ACOX1: variants seen among roughly 807,000 people sequenced by gnomAD.
The protein encoded by ACOX1 is peroxisomal acyl-coenzyme A oxidase 1.
Under a neutral mutation model 75.5 loss-of-function variants are expected in ACOX1, and 41 were observed. The observed-to-expected ratio is 0.54, with a 90% CI of 0.42 to 0.70. The LOEUF (loss-of-function observed/expected upper bound fraction) is 0.70, where lower values mean the gene tolerates loss of function less well. ACOX1 is among the 30% of genes least tolerant of loss of function. The pLI, the probability that ACOX1 is intolerant of heterozygous loss-of-function variation, is 0.00. For missense variants in ACOX1, 630 were observed against 837.5 expected, an observed-to-expected ratio of 0.75 and a Z score of 3.06; for synonymous variants, 303 against 298.8, an observed-to-expected ratio of 1.01 and a Z score of -0.15.
Position 75,953,532 on chromosome 17 carries a change from T to A in ACOX1, c.863A>T (p.Glu288Val). 1 of 1,614,148 alleles carries A rather than the reference T, an allele frequency of 6.2e-7. No homozygotes were observed. The highest frequency in any genetic ancestry group is 8.5e-7 in the Non-Finnish European group (1 of 1,180,008). The change falls in exon 7 of 14, where the codon GAA (glutamate) becomes GTA (valine). Residue 288 changes from glutamate to valine, a missense_variant. Physicochemically the swap from Glu to Val is moderately radical, Grantham distance 121 (BLOSUM62 -2). Transcript: ENST00000293217. Reference sequence around the variant, plus strand: ...CGCCTTAGACAGAGCCCGAGCAGCTTCTCCCACAAGGAAGGACCTGACAAA... The same window carrying A: ...CGCCTTAGACAGAGCCCGAGCAGCTACTCCCACAAGGAAGGACCTGACAAA... ...MVFVRSFLVG[E>V]AARALSKACT...
chr17:75,956,969 CTCTATATATATATATATA>C (rs1567878037), intron 4 of ACOX1, among the ~76,000 whole-genome samples: 97 of 9,016 alleles, frequency 0.011, 1 homozygote, highest in Non-Finnish European at 0.014. Context: ...CTCTCTCTCT[CTCTATATATATATATATA>C]TATATATATA....
At position 75,978,964 on chromosome 17, in the gene ACOX1, C is replaced by G; in HGVS notation, c.109+1G>C. On this transcript the variant is annotated splice_donor_variant, in intron 1 of 13. Coordinates refer to ENST00000293217, the MANE Select transcript of ACOX1 (RefSeq NM_004035.7). LOFTEE classifies it high-confidence loss of function. The surrounding 1 kb of genome is among the most constrained non-coding windows in gnomAD (Gnocchi z 4.2). ...AGGGAGGTCTCGCCCGCCGCCCTCA[C>G]CGATCTCTCGGCGGCGCCGGGTTTT... 1 of 1,609,976 alleles carries G rather than the reference C, an allele frequency of 6.2e-7. No individual in the cohort carries two copies.
chr17:75,977,291 C>G (rs903005663), intron 2 of ACOX1, among the ~76,000 whole-genome samples: 1 of 151,874 alleles, frequency 6.6e-6, no homozygotes, highest in East Asian at 1.9e-4. Context: ...CCACTGTGCC[C>G]GGCCCGAAGT....
chr17:75,978,382 C>G lies in ACOX1; in HGVS notation c.269+152G>C. 9.5e-7 allele frequency: 1 copy of G among 1,048,308 alleles called. No homozygotes were observed. The highest frequency in any genetic ancestry group is 1.4e-6 in the Non-Finnish European group (1 of 707,020). 64.9% of individuals were successfully genotyped at this position (1,048,308 alleles called of 1,614,324 possible). On this transcript the variant is annotated intron_variant, in intron 2 of 13. Transcript: ENST00000293217. The surrounding 1 kb of genome is among the most constrained non-coding windows in gnomAD (Gnocchi z 4.2). Reference sequence around the variant, plus strand: ...TGCTGGGATTACAGGCGTGAGCCACCGCGCCCGGCCACACATATAACTTTA... The same window carrying G: ...TGCTGGGATTACAGGCGTGAGCCACGGCGCCCGGCCACACATATAACTTTA...
intron 2 of ACOX1, among the ~76,000 whole-genome samples, chr17:75,967,691 T>C (rs1291932496): frequency 6.1e-5 from 8 of 131,860 alleles, no homozygotes; most frequent in East Asian, 2.3e-4. Context: ...CGTATATATA[T>C]ACATACATAT....
intron 2 of ACOX1, among the ~76,000 whole-genome samples, chr17:75,961,730 A>T (rs569748542): frequency 6.8e-6 from 1 of 148,060 alleles, no homozygotes; most frequent in Non-Finnish European, 1.5e-5. Context: ...ACTGCACTCC[A>T]GCCTGGGCAA....
chr17:75,974,544 C>T (rs989008296), intron 2 of ACOX1, among the ~76,000 whole-genome samples: 1 of 152,098 alleles, frequency 6.6e-6, no homozygotes, highest in Non-Finnish European at 1.5e-5. Context: ...TGACAAAGCT[C>T]GTATCTAAAA....
intron 4 of ACOX1, among the ~76,000 whole-genome samples, chr17:75,956,431 C>G (rs1486896712): frequency 1.3e-5 from 2 of 152,094 alleles, no homozygotes; most frequent in Non-Finnish European, 2.9e-5. Context: ...TGGCTCGCGC[C>G]TGTAATTCCA....
At chr17:75,974,917 G>A (rs1045284058) in intron 2 of ACOX1, among the ~76,000 whole-genome samples, 16 of 151,454 alleles carry the variant, frequency 1.1e-4, no homozygotes, top group African/African-American at 3.9e-4. Context: ...GGGTGTGGTG[G>A]TGGGCTCCTG....
At position 75,978,087 on chromosome 17, in the gene ACOX1, T is replaced by C. The variant is rs1332422072; in HGVS notation, c.269+447A>G. Among the ~76,000 whole-genome samples, 1 of 116,452 alleles carries C rather than the reference T, an allele frequency of 8.6e-6. No individual in the cohort carries two copies. Among genetic ancestry groups the C allele is most frequent in the Non-Finnish European group, 1.8e-5 (1 of 57,078 alleles). 76.4% of individuals were successfully genotyped at this position (116,452 alleles called of 152,430 possible). On this transcript the variant is annotated intron_variant, in intron 2 of 13. Transcript: ENST00000293217. The surrounding 1 kb of genome is among the most constrained non-coding windows in gnomAD (Gnocchi z 4.2). The stretch of plus-strand genomic sequence containing the variant: ...ATTATTTTTCACACATATAACTTTA[T>C]TTATTTATTTATTTATTTATTTTTT...
Position 75,961,164 on chromosome 17 carries a change from A to G in ACOX1, c.270-789T>C, listed in dbSNP as rs142148630. ...AAAAATTAAGCAGGCATGGTGGTGCACACCTGTAATCCCAGCTACTCAGGA... is the reference window on the plus strand; with the variant it reads ...AAAAATTAAGCAGGCATGGTGGTGCGCACCTGTAATCCCAGCTACTCAGGA... On this transcript the variant is annotated intron_variant, in intron 2 of 13. Transcript: ENST00000293217. Among the ~76,000 whole-genome samples, 523 of 150,794 alleles carry G rather than the reference A, an allele frequency of 3.5e-3. 2 individuals carry two copies. Among genetic ancestry groups the G allele is most frequent in the Non-Finnish European group, 5.6e-3 (377 of 67,738 alleles).
chr17:75,979,069 T>C lies in ACOX1; in HGVS notation c.5A>G (p.Asn2Ser), dbSNP rs767071994. 1.9e-5 allele frequency: 30 copies of C among 1,611,292 alleles called. No homozygotes were observed. The highest frequency in any genetic ancestry group is 2.3e-5 in the Non-Finnish European group (27 of 1,179,928). Residue 2 changes from asparagine to serine, a missense_variant, in exon 1 of 14, where the codon AAC becomes AGC. Around this residue, in one of 2 missense-constraint regions of ACOX1, gnomAD observed 390 missense variants for 574.9 expected, o/e 0.68. Coordinates refer to ENST00000293217, the MANE Select transcript of ACOX1 (RefSeq NM_004035.7). ...ATCCCGCTCCCTGCGCAGGTCCGGGTTCATGGCGACGACCAGCTGGCAGCG... is the reference window on the plus strand; with the variant it reads ...ATCCCGCTCCCTGCGCAGGTCCGGGCTCATGGCGACGACCAGCTGGCAGCG... Reference protein sequence around the residue: MNPDLRRERDSA... With the variant: MSPDLRRERDSA...
At position 75,955,620 on chromosome 17, in the gene ACOX1, G is replaced by A. The variant is rs764707636; in HGVS notation, c.720C>T (p.Leu240=). 1.6e-5 allele frequency: 26 copies of A among 1,614,000 alleles called. No homozygotes were observed. Among genetic ancestry groups the A allele is most frequent in the East Asian group, 2.2e-5 (1 of 44,902 alleles). ...TGGGAATACGATGGTTGTCCATTTT[G>A]AGGTAGCCATTGTCTATCTCATCAT... is the stretch of plus-strand genomic sequence containing the variant. The part of the protein sequence containing the change: ...FGYDEIDNGY[L]KMDNHRIPRE... Residue 240 remains leucine, a synonymous_variant, in exon 6 of 14, where the codon CTC becomes CTT. Transcript: ENST00000293217.
chr17:75,955,757 G>A (rs911635185), intron 5 of ACOX1, 71 bp downstream of exon 5: 1 of 1,612,074 alleles, frequency 6.2e-7, no homozygotes, highest in Non-Finnish European at 8.5e-7. Context: ...TCTTCAGTTG[G>A]GCATTCTACC....
chr17:75,962,405 C>T (rs1371992034), intron 2 of ACOX1, among the ~76,000 whole-genome samples: 3 of 152,090 alleles, frequency 2.0e-5, no homozygotes, highest in South Asian at 2.1e-4. Flanking sequence ...GATAGGAAGT[C>T]GTTCTATAGG....
chr17:75,964,699 A>T (rs1265565286), intron 2 of ACOX1, among the ~76,000 whole-genome samples: 1 of 152,234 alleles, frequency 6.6e-6, no homozygotes, highest in Admixed American at 6.5e-5. Context: ...GACTTAAGCC[A>T]AGTATTTGTT....
At chr17:75,975,456 A>G (rs2066039512) in intron 2 of ACOX1, among the ~76,000 whole-genome samples, 2 of 152,320 alleles carry the variant, frequency 1.3e-5, no homozygotes, top group East Asian at 1.9e-4. Flanking sequence ...ACCATGCCCC[A>G]GTCCCATTGT....
At chr17:75,975,167 T>C (rs1305804129) in intron 2 of ACOX1, among the ~76,000 whole-genome samples, 1 of 152,098 alleles carries the variant, frequency 6.6e-6, no homozygotes, top group Admixed American at 6.6e-5. Context: ...ATTTCTTTTT[T>C]TTTCTTTTTT....
intron 2 of ACOX1, among the ~76,000 whole-genome samples, chr17:75,970,072 C>T (rs758148480): frequency 2.6e-4 from 39 of 151,270 alleles, no homozygotes; most frequent in Non-Finnish European, 4.7e-4. Context: ...GTGATCCCAG[C>T]TACTCAGGAG....
Sources: allele counts gnomAD v4.1 joint callset (sites outside exome capture counted in the v4.1 genomes callset), GRCh38; gene constraint gnomAD v4.1.1; regional missense constraint gnomAD v4.1.1; non-coding constraint Gnocchi (gnomAD v3.1); transcripts MANE v1.5; gene names NCBI Gene and HGNC (gene_info 2026-07-23, HGNC 2026-07-21).